The following SPATC1 variants were observed in gnomAD, a reference collection of about 807,000 sequenced individuals.
SPATC1 encodes spermatogenesis and centriole associated 1.
Under a neutral mutation model 36.5 loss-of-function variants are expected in SPATC1, and 35 were observed. The ratio of observed to expected loss-of-function variants is 0.96; its 90% CI spans 0.73 to 1.27. The LOEUF (loss-of-function observed/expected upper bound fraction) is 1.27, where lower values mean the gene tolerates loss of function less well. Ranked by LOEUF, SPATC1 falls within the 50% of genes most tolerant of loss-of-function variation. The probability of loss-of-function intolerance (pLI) is 0.00; values close to 1 mark genes in which losing one functional copy is unlikely to be tolerated. For synonymous variants in SPATC1, 361 were observed against 353.6 expected, an observed-to-expected ratio of 1.02 and a Z score of -0.24; for missense variants, 779 against 796.0, an observed-to-expected ratio of 0.98 and a Z score of 0.26.
rs72695425 is a variant in SPATC1 at position 144,045,178 on chromosome 8, G to A, written c.1447-1449G>A. Among the ~76,000 whole-genome samples, 764 of 152,314 alleles carry A rather than the reference G, an allele frequency of 5.0e-3. 2 individuals are homozygous for A. Among genetic ancestry groups the A allele is most frequent in the Non-Finnish European group, 9.1e-3 (621 of 68,032 alleles). On this transcript the variant is annotated intron_variant, in intron 4 of 4. Coordinates refer to ENST00000377470, the MANE Select transcript of SPATC1 (RefSeq NM_198572.3). This position sits in a 1 kb window ranked among gnomAD's most constrained non-coding sequence, Gnocchi z 5.2. ...GCAGCCGTTGAGCACGGCTGTCCAC[G>A]GGCCCTCACTCTTGCGCTGAACCTC...
chr8:144,020,593 C>G (rs1834494804), intron 1 of SPATC1, among the ~76,000 whole-genome samples: 1 of 149,680 alleles, frequency 6.7e-6, no homozygotes, highest in African/African-American at 2.5e-5. Flanking sequence ...CCCTCAGAAC[C>G]CTCTCCCCTC....
At chr8:144,039,586 C>T (rs1030213271) in intron 1 of SPATC1, among the ~76,000 whole-genome samples, 2 of 152,174 alleles carry the variant, frequency 1.3e-5, no homozygotes, top group Admixed American at 6.5e-5. Context: ...GGCAGCGGGA[C>T]GTCCCCATGG....
At chr8:144,035,632 G>C (rs1834883407) in intron 1 of SPATC1, among the ~76,000 whole-genome samples, 3 of 152,172 alleles carry the variant, frequency 2.0e-5, no homozygotes, top group Non-Finnish European at 2.9e-5. Context: ...TTTCCCTCTG[G>C]GGACGAGACC....
In SPATC1 at chr8:144,047,064, G is replaced by A; in HGVS notation, c.*108G>A. On this transcript the variant is annotated 3_prime_UTR_variant, in exon 5 of 5. Coordinates refer to ENST00000377470, the MANE Select transcript of SPATC1 (RefSeq NM_198572.3). The surrounding 1 kb of genome is among the most constrained non-coding windows in gnomAD (Gnocchi z 4.1). ...GGGCCTGTGCCAGCGCTCCTGGGTG[G>A]TGCTGCCTCCTCTGGGGTGGCTCAC... The A allele has an allele frequency of 1.5e-6, 2 of 1,367,880 alleles. No homozygotes were observed. Among genetic ancestry groups the A allele is most frequent in the East Asian group, 4.9e-5 (2 of 40,628 alleles). The allele number at this position is 1,367,880 out of a possible 1,614,324, so 84.7% of individuals were successfully genotyped here.
intron 1 of SPATC1, among the ~76,000 whole-genome samples, chr8:144,023,394 GA>G (rs1834593638): frequency 8.9e-4 from 1 of 1,126 alleles, no homozygotes. Flanking sequence ...CCTCTTCCCT[GA>G]GGACCCTCTT....
intron 1 of SPATC1, among the ~76,000 whole-genome samples, chr8:144,038,842 G>A (rs1389550076): frequency 3.9e-5 from 6 of 152,140 alleles, no homozygotes; most frequent in African/African-American, 9.7e-5. Context: ...CGGGTTGCCC[G>A]TGGCTGCCTT....
chr8:144,024,352 CAGGACCCTCTCCCCAA>C (rs1834628450), intron 1 of SPATC1, among the ~76,000 whole-genome samples: 1 of 145,796 alleles, frequency 6.9e-6, no homozygotes, highest in Non-Finnish European at 1.5e-5. Flanking sequence ...CCTCTTCTTT[CAGGACCCTCTCCCCAA>C]AGGACCCCCT....
At chr8:144,032,871 G>A (rs1287913421) in intron 1 of SPATC1, among the ~76,000 whole-genome samples, 2 of 152,042 alleles carry the variant, frequency 1.3e-5, no homozygotes, top group Non-Finnish European at 1.5e-5. Context: ...ACTTCTGTGT[G>A]TCATATGCAC....
chr8:144,040,350 T>C lies in SPATC1; in HGVS notation c.653T>C (p.Met218Thr). 2 of 1,612,584 alleles carry C rather than the reference T, an allele frequency of 1.2e-6. No homozygotes were observed. Among genetic ancestry groups the C allele is most frequent in the Non-Finnish European group, 8.5e-7 (1 of 1,179,860 alleles). Reference protein sequence around the residue: ...GVSQNLLANPMSNLVLPEAPR... With the variant: ...GVSQNLLANPTSNLVLPEAPR... The stretch of plus-strand genomic sequence containing the variant: ...TCTCAGAACCTGCTGGCCAACCCCA[T>C]GAGCAACCTGGTCCTGCCAGAGGCC... Residue 218 changes from methionine (M) to threonine (T), a missense_variant, in exon 2 of 5, where the codon ATG (methionine) becomes ACG (threonine). Physicochemically the swap from Met to Thr is moderately conservative, Grantham distance 81 (BLOSUM62 -1). Coordinates refer to ENST00000377470, the MANE Select transcript of SPATC1 (RefSeq NM_198572.3).
chr8:144,041,518 C>A, intron 4 of SPATC1, 147 bp downstream of exon 4: 2 of 1,072,244 alleles, frequency 1.9e-6, no homozygotes, highest in Non-Finnish European at 2.6e-6. Flanking sequence ...CAACGGCCTG[C>A]AGGTGTTGGG....
At position 144,041,304 on chromosome 8, in the gene SPATC1, G is replaced by A; in HGVS notation, c.1379G>A (p.Ser460Asn). The A allele has an allele frequency of 1.2e-6, 2 of 1,613,186 alleles. No individual in the cohort carries two copies. Among genetic ancestry groups the A allele is most frequent in the Admixed American group, 1.7e-5 (1 of 60,022 alleles). ...CAGCTGGACCGCAGGATCCTGTCCAGCATCTTCCCAGAGCGCGTACGGCTC... is the reference window on the plus strand; with the variant it reads ...CAGCTGGACCGCAGGATCCTGTCCAACATCTTCCCAGAGCGCGTACGGCTC... ...AFQLDRRILS[S>N]IFPERVRLYG... The change falls in exon 4 of 5, where the codon AGC becomes AAC. Residue 460 changes from serine (S) to asparagine (N), a missense_variant. Coordinates refer to ENST00000377470, the MANE Select transcript of SPATC1 (RefSeq NM_198572.3).
rs1834309390 is a variant in SPATC1 at position 144,012,922 on chromosome 8, G to A, written c.211+196G>A. 7.5e-6 allele frequency: 5 copies of A among 666,756 alleles called. No homozygotes were observed. The Admixed American group carries it at 1.1e-4, about 14-fold the overall frequency. 41.3% of individuals were successfully genotyped at this position (666,756 alleles called of 1,614,324 possible). ...GGCTGCATTCCCTCCTGTCCAGGGT[G>A]GACCTCTCCACAGGTGCTCAGAGCC... On this transcript the variant is annotated intron_variant, in intron 1 of 4. Transcript: ENST00000377470.
chr8:144,013,973 T>G (rs1333799782), intron 1 of SPATC1, among the ~76,000 whole-genome samples: 1 of 150,988 alleles, frequency 6.6e-6, no homozygotes, highest in Admixed American at 6.6e-5. Context: ...AATAATAGGC[T>G]GAGTGCAGTG....
At chr8:144,012,799 T>C in intron 1 of SPATC1, 73 bp downstream of exon 1, 1 of 1,499,692 alleles carries the variant, frequency 6.7e-7, no homozygotes, top group Non-Finnish European at 9.1e-7. Context: ...CTCAGTGTGC[T>C]GAGGTCTCAG....
Position 144,040,201 on chromosome 8 carries a change from C to T in SPATC1, c.504C>T (p.Ser168=). The T allele has an allele frequency of 1.2e-6, 2 of 1,612,504 alleles. No individual in the cohort carries two copies. Among genetic ancestry groups the T allele is most frequent in the African/African-American group, 1.3e-5 (1 of 75,050 alleles). The change falls in exon 2 of 5, where the codon AGC becomes AGT. Residue 168 remains serine (S), a synonymous_variant. Transcript: ENST00000377470. ...CCTCCACTGGCACCCTGACTCCCAG[C>T]AGCCTCGTGGCAGGCCCTGTGGCCA... ...GLPSTGTLTP[S]SLVAGPVAMS... is the part of the protein sequence containing the mutation.
In SPATC1 at chr8:144,047,090, C is replaced by T. The variant is rs940590619; in HGVS notation, c.*134C>T. ...TGCTGCCTCCTCTGGGGTGGCTCAC[C>T]GGGCCCCGGCACCGTGCCCCTTCAG... On this transcript the variant is annotated 3_prime_UTR_variant, in exon 5 of 5. Transcript: ENST00000377470. The surrounding 1 kb of genome is among the most constrained non-coding windows in gnomAD (Gnocchi z 4.1). 6 of 1,077,772 alleles carry T rather than the reference C, an allele frequency of 5.6e-6. No homozygotes were observed. The highest frequency in any genetic ancestry group is 2.7e-5 in the Admixed American group (1 of 37,032). 66.8% of individuals were successfully genotyped at this position (1,077,772 alleles called of 1,614,324 possible).
intron 1 of SPATC1, among the ~76,000 whole-genome samples, chr8:144,033,394 C>T (rs1272454588): frequency 1.1e-4 from 17 of 150,454 alleles, no homozygotes; most frequent in African/African-American, 3.9e-4. Flanking sequence ...AGCGAGACTC[C>T]GTCTCAAAAA....
chr8:144,033,412 A>G (rs1163506886), intron 1 of SPATC1, among the ~76,000 whole-genome samples: 1 of 152,072 alleles, frequency 6.6e-6, no homozygotes, highest in Non-Finnish European at 1.5e-5. Context: ...AAAAAAAAAA[A>G]GAAAGAAAGA....
chr8:144,035,720 C>T (rs1019554703), intron 1 of SPATC1, among the ~76,000 whole-genome samples: 36 of 152,332 alleles, frequency 2.4e-4, no homozygotes, highest in East Asian at 9.6e-4. Context: ...CCAGAGTAGG[C>T]GGCAAGAGGA....
Sources: allele counts gnomAD v4.1 joint callset (sites outside exome capture counted in the v4.1 genomes callset), GRCh38; gene constraint gnomAD v4.1.1; non-coding constraint Gnocchi (gnomAD v3.1); transcripts MANE v1.5; gene names NCBI Gene and HGNC (gene_info 2026-07-23, HGNC 2026-07-21).